SOX6: variants seen among roughly 807,000 people sequenced by gnomAD.
The protein encoded by SOX6 is transcription factor SOX-6.
A neutral mutation model predicts 97.8 loss-of-function variants in SOX6; 11 were observed. The observed-to-expected ratio is 0.11, with a 90% CI of 0.07 to 0.19. The LOEUF is 0.19. SOX6 is among the 10% of genes least tolerant of loss of function. The pLI is 1.00. For synonymous variants in SOX6, 360 were observed against 371.4 expected (o/e 0.97, Z 0.35); for missense variants, 810 against 1,039.5 (o/e 0.78, Z 3.04).
At chr11:15,993,900 C>T (rs1854136953) in intron 13 of SOX6, among the ~76,000 whole-genome samples, 1 of 152,158 alleles carries the variant, frequency 6.6e-6, no homozygotes, top group South Asian at 2.1e-4. Context: ...GAGGCCCCTT[C>T]GTGGTTAAAT....
At chr11:16,159,285 G>A (rs1419429725) in intron 6 of SOX6, among the ~76,000 whole-genome samples, 3 of 151,974 alleles carry the variant, frequency 2.0e-5, no homozygotes, top group African/African-American at 4.8e-5. Flanking sequence ...GCATGAGAAC[G>A]CTAAAGATCA....
intron 3 of SOX6, among the ~76,000 whole-genome samples, chr11:16,640,255 A>G (rs898410959): frequency 3.3e-5 from 5 of 152,154 alleles, no homozygotes; most frequent in Non-Finnish European, 7.3e-5. Context: ...TCCCAGGGAT[A>G]AAGCCCACTG....
At chr11:16,614,725 C>T (rs1456245456) in intron 3 of SOX6, among the ~76,000 whole-genome samples, 2 of 152,178 alleles carry the variant, frequency 1.3e-5, no homozygotes, top group Non-Finnish European at 2.9e-5. Flanking sequence ...CAAGGCCACA[C>T]CGTAGGTCCT....
At chr11:16,553,444 A>G (rs1022571262) in intron 4 of SOX6, among the ~76,000 whole-genome samples, 1 of 152,228 alleles carries the variant, frequency 6.6e-6, no homozygotes, top group African/African-American at 2.4e-5. Flanking sequence ...GGTCATTGCC[A>G]TGGAAAGGAG....
At chr11:16,244,982 C>T (rs1853296170) in intron 3 of SOX6, among the ~76,000 whole-genome samples, 2 of 151,536 alleles carry the variant, frequency 1.3e-5, no homozygotes, top group South Asian at 2.1e-4. Context: ...GGTTTGCCTA[C>T]CAAAAAAGAA....
chr11:15,990,528 T>C (rs950911678), intron 13 of SOX6, among the ~76,000 whole-genome samples: 1 of 151,978 alleles, frequency 6.6e-6, no homozygotes, highest in Non-Finnish European at 1.5e-5. Flanking sequence ...ACTTGGCACA[T>C]AGGATTTCAA....
intron 4 of SOX6, among the ~76,000 whole-genome samples, chr11:16,508,890 C>G (rs1362884984): frequency 6.6e-6 from 1 of 151,998 alleles, no homozygotes; most frequent in Non-Finnish European, 1.5e-5. Flanking sequence ...GTCCTAAATA[C>G]CCCGACATGA....
chr11:16,418,439 G>T (rs1196574939), intron 1 of SOX6, among the ~76,000 whole-genome samples: 3 of 152,066 alleles, frequency 2.0e-5, no homozygotes, highest in Admixed American at 2.0e-4. Flanking sequence ...GTACTACAGG[G>T]AACTGTCAAC....
chr11:16,661,940 C>A (rs1003402442), intron 3 of SOX6, among the ~76,000 whole-genome samples: 2 of 152,198 alleles, frequency 1.3e-5, no homozygotes, highest in Non-Finnish European at 2.9e-5. Flanking sequence ...CCCAATTTCT[C>A]TCTTCTGTCC....
intron 12 of SOX6, among the ~76,000 whole-genome samples, chr11:16,029,764 T>C (rs762142719): frequency 6.6e-6 from 1 of 152,214 alleles, no homozygotes; most frequent in Non-Finnish European, 1.5e-5. Context: ...TAATTAGCCG[T>C]TTTTAAATCT....
chr11:16,716,512 T>C (rs776181002), intron 2 of SOX6, among the ~76,000 whole-genome samples: 2 of 152,254 alleles, frequency 1.3e-5, no homozygotes, highest in African/African-American at 2.4e-5. Flanking sequence ...TCAAATTTTA[T>C]GGTCTGAGCA....
intron 9 of SOX6, among the ~76,000 whole-genome samples, chr11:16,078,238 AT>A (rs1848400670): frequency 6.6e-6 from 1 of 152,186 alleles, no homozygotes; most frequent in African/African-American, 2.4e-5. Context: ...GGTACGGCTT[AT>A]ATTTGTAATG....
intron 1 of SOX6, among the ~76,000 whole-genome samples, chr11:16,435,242 A>T (rs928864029): frequency 6.6e-6 from 1 of 152,208 alleles, no homozygotes; most frequent in African/African-American, 2.4e-5. Context: ...AATGTAATCA[A>T]ATTTAATTTC....
At chr11:16,231,740 G>A (rs1437257692) in intron 4 of SOX6, among the ~76,000 whole-genome samples, 1 of 151,624 alleles carries the variant, frequency 6.6e-6, no homozygotes, top group Non-Finnish European at 1.5e-5. Context: ...CAACTTAAAT[G>A]TTGAAGAAAA....
At chr11:16,395,024 T>C (rs1442643014) in intron 1 of SOX6, among the ~76,000 whole-genome samples, 1 of 151,914 alleles carries the variant, frequency 6.6e-6, no homozygotes, top group Non-Finnish European at 1.5e-5. Context: ...TCAAGTTGCA[T>C]AATTTTCTCT....
chr11:16,594,980 C>T (rs1397470240), intron 4 of SOX6, among the ~76,000 whole-genome samples: 3 of 152,130 alleles, frequency 2.0e-5, no homozygotes, highest in Non-Finnish European at 4.4e-5. Flanking sequence ...GCGTGAGCCA[C>T]CGCGCCCGGC....
chr11:16,662,087 C>T (rs907712351), intron 3 of SOX6, among the ~76,000 whole-genome samples: 1 of 151,888 alleles, frequency 6.6e-6, no homozygotes, highest in African/African-American at 2.4e-5. Context: ...ATTTTTTTAC[C>T]TCCATTCATT....
chr11:16,150,151 C>G (rs544300622), intron 6 of SOX6, among the ~76,000 whole-genome samples: 109 of 152,152 alleles, frequency 7.2e-4, no homozygotes, highest in South Asian at 1.2e-3. Flanking sequence ...TGGATGCTGT[C>G]AGAGACATAA....
At chr11:16,647,061 T>A (rs1849025623) in intron 3 of SOX6, among the ~76,000 whole-genome samples, 1 of 152,182 alleles carries the variant, frequency 6.6e-6, no homozygotes, top group African/African-American at 2.4e-5. Context: ...ATTTTTTTAT[T>A]TTTGATTATA....
Sources: gnomAD v4.1 joint callset for allele counts (sites outside exome capture counted in the v4.1 genomes callset) on GRCh38, gnomAD v4.1.1 for gene constraint, MANE v1.5 for transcripts, NCBI Gene and HGNC (gene_info 2026-07-23, HGNC 2026-07-21) for gene names.